The following ARHGEF7 variants were observed in gnomAD, a reference collection of about 807,000 sequenced individuals.
The protein encoded by ARHGEF7 is Rho guanine nucleotide exchange factor 7, also known as PAK-interacting exchange factor beta.
In ARHGEF7, 33 loss-of-function variants were observed where a neutral mutation model predicts 109.8. The ratio of observed to expected loss-of-function variants is 0.30; its 90% CI spans 0.23 to 0.40. The LOEUF (loss-of-function observed/expected upper bound fraction) is 0.40, where lower values mean the gene tolerates loss of function less well. ARHGEF7 is among the 10% of genes least tolerant of loss of function. ARHGEF7 has a pLI of 1.00. For missense variants in ARHGEF7, 938 were observed against 1,098.5 expected (o/e 0.85, Z 2.07); for synonymous variants, 458 against 424.6 (o/e 1.08, Z -0.97).
intron 2 of ARHGEF7, among the ~76,000 whole-genome samples, chr13:111,198,403 C>T (rs973277618): frequency 3.8e-4 from 58 of 152,284 alleles, no homozygotes; most frequent in African/African-American, 1.3e-3. Flanking sequence ...TGGACACTCG[C>T]GGTGAGTGTT....
intron 1 of ARHGEF7, among the ~76,000 whole-genome samples, chr13:111,134,625 CT>C (rs1274891417): frequency 6.6e-6 from 1 of 152,164 alleles, no homozygotes; most frequent in Non-Finnish European, 1.5e-5. Flanking sequence ...CCTTCACCCA[CT>C]TTTTGATGGG....
intron 18 of ARHGEF7, among the ~76,000 whole-genome samples, chr13:111,289,342 G>C (rs565292182): frequency 7.9e-5 from 12 of 152,346 alleles, no homozygotes; most frequent in Non-Finnish European, 1.8e-4. Context: ...CCCTAAGGTG[G>C]CTTTTTTTCT....
At chr13:111,288,235 A>T in intron 17 of ARHGEF7, 119 bp from the exon 18 acceptor site, 1 of 487,092 alleles carries the variant, frequency 2.1e-6, no homozygotes. Context: ...CAAGAAAATC[A>T]AGGGCAGATT....
chr13:111,231,452 T>C (rs1423243713), intron 5 of ARHGEF7, among the ~76,000 whole-genome samples: 1 of 152,204 alleles, frequency 6.6e-6, no homozygotes, highest in Non-Finnish European at 1.5e-5. Context: ...CTGGAAGTAC[T>C]TAACAGTGAG....
chr13:111,238,728 G>A (rs148493040), intron 6 of ARHGEF7, among the ~76,000 whole-genome samples: 127 of 152,148 alleles, frequency 8.3e-4, no homozygotes, highest in African/African-American at 3.0e-3. Flanking sequence ...GTCTGGAGTT[G>A]CCTCTCGGGG....
intron 1 of ARHGEF7, among the ~76,000 whole-genome samples, chr13:111,149,126 C>T (rs1345544647): frequency 3.3e-5 from 5 of 151,878 alleles, no homozygotes; most frequent in Non-Finnish European, 7.4e-5. Flanking sequence ...AAAACCATTT[C>T]TGTCCGGGTG....
At chr13:111,154,018 G>A (rs1566642581) in intron 2 of ARHGEF7, 27 bp downstream of exon 2, 1 of 1,586,102 alleles carries the variant, frequency 6.3e-7, no homozygotes, top group East Asian at 2.3e-5. Context: ...ACGGGCCGAG[G>A]GAGGGGCCGG....
intron 12 of ARHGEF7, among the ~76,000 whole-genome samples, chr13:111,276,436 A>T (rs1471369625): frequency 6.6e-6 from 1 of 152,244 alleles, no homozygotes; most frequent in Non-Finnish European, 1.5e-5. Context: ...TTTGGGTACC[A>T]TAAGAAACCA....
chr13:111,223,525 C>G (rs111296256), intron 5 of ARHGEF7, among the ~76,000 whole-genome samples: 3 of 152,154 alleles, frequency 2.0e-5, no homozygotes, highest in African/African-American at 7.2e-5. Context: ...ACCAGATGGT[C>G]CAATTCACCT....
rs1356656615 is a variant in ARHGEF7, at chr13:111,303,515, A to G, written c.*402A>G. ...TTCTGTCCGGGCTAATCCCCATGCTAGAATGTCCTTTCCAGCTACGTGAAT... is the reference window on the plus strand; with the variant it reads ...TTCTGTCCGGGCTAATCCCCATGCTGGAATGTCCTTTCCAGCTACGTGAAT... On this transcript the variant is annotated 3_prime_UTR_variant, in exon 22 of 22. Coordinates refer to ENST00000646102, the MANE Select transcript of ARHGEF7 (RefSeq NM_001354046.2). 2.0e-5 allele frequency: 3 copies of G among 152,648 alleles called. No homozygotes were observed. Among genetic ancestry groups the G allele is most frequent in the African/African-American group, 7.2e-5 (3 of 41,444 alleles). The allele number at this position is 152,648 out of a possible 1,614,324, so 9.5% of individuals were successfully genotyped here.
chr13:111,225,790 T>C (rs1380130724), intron 5 of ARHGEF7, among the ~76,000 whole-genome samples: 1 of 152,114 alleles, frequency 6.6e-6, no homozygotes, highest in East Asian at 1.9e-4. Context: ...GACCGGGAAT[T>C]CCCCATGTTT....
chr13:111,190,363 C>G (rs1205056378), intron 2 of ARHGEF7, among the ~76,000 whole-genome samples: 1 of 152,102 alleles, frequency 6.6e-6, no homozygotes, highest in African/African-American at 2.4e-5. Flanking sequence ...CGGGCAGCAT[C>G]TCGTACTATC....
chr13:111,175,198 C>G (rs1324552367), intron 2 of ARHGEF7, among the ~76,000 whole-genome samples: 2 of 152,228 alleles, frequency 1.3e-5, no homozygotes, highest in Admixed American at 1.3e-4. Flanking sequence ...GATAATTCAG[C>G]AGCTGTGCAC....
chr13:111,297,013 C>T (rs960436209), intron 19 of ARHGEF7, among the ~76,000 whole-genome samples: 3 of 152,188 alleles, frequency 2.0e-5, no homozygotes, highest in African/African-American at 7.2e-5. Flanking sequence ...ATTGTTTTTC[C>T]ATTCTAGGTA....
intron 2 of ARHGEF7, among the ~76,000 whole-genome samples, chr13:111,173,526 A>T (rs1344386968): frequency 6.6e-6 from 1 of 152,180 alleles, no homozygotes; most frequent in African/African-American, 2.4e-5. Context: ...CAGCCCCAGG[A>T]TGTGGAGGGA....
intron 2 of ARHGEF7, among the ~76,000 whole-genome samples, chr13:111,187,975 C>A (rs1444577847): frequency 1.3e-5 from 2 of 152,172 alleles, no homozygotes; most frequent in Admixed American, 1.3e-4. Flanking sequence ...GTAGTTGGAG[C>A]CTTGTTCTCT....
chr13:111,155,810 T>C (rs2076273737), intron 2 of ARHGEF7, among the ~76,000 whole-genome samples: 1 of 152,218 alleles, frequency 6.6e-6, no homozygotes, highest in Admixed American at 6.5e-5. Context: ...GTGTGGTGGC[T>C]CACGCCTGTA....
At chr13:111,274,698 T>G (rs2274205) in intron 10 of ARHGEF7, 33 bp from the exon 11 acceptor site, 8 of 1,334,392 alleles carry the variant, frequency 6.0e-6, no homozygotes, top group Non-Finnish European at 8.1e-6. Flanking sequence ...CTTTTCCTTA[T>G]GAAAGCTAAT....
chr13:111,275,786 C>G, intron 12 of ARHGEF7, 108 bp downstream of exon 12: 2 of 1,394,094 alleles, frequency 1.4e-6, no homozygotes, highest in Non-Finnish European at 2.0e-6. Flanking sequence ...AATAGAAGCT[C>G]TATCTTATAA....
Sources: gnomAD v4.1 joint callset for allele counts (sites outside exome capture counted in the v4.1 genomes callset) on GRCh38, gnomAD v4.1.1 for gene constraint, MANE v1.5 for transcripts, NCBI Gene and HGNC (gene_info 2026-07-23, HGNC 2026-07-21) for gene names.